The following GALNT9 variants were observed in gnomAD, a reference collection of about 807,000 sequenced individuals.
GALNT9 encodes the protein GalNAc transferase 9.
A neutral mutation model predicts 63.1 loss-of-function variants in GALNT9; 47 were observed. That is an observed-to-expected ratio of 0.75 (90% CI 0.59 to 0.95). The LOEUF is 0.95. GALNT9 is among the 40% of genes least tolerant of loss of function. The pLI is 0.00. For synonymous variants in GALNT9, 396 were observed against 365.7 expected (o/e 1.08, Z -0.94); for missense variants, 829 against 874.8 (o/e 0.95, Z 0.66).
At chr12:132,237,837 C>A (rs1454830527) in intron 6 of GALNT9, among the ~76,000 whole-genome samples, 2 of 152,214 alleles carry the variant, frequency 1.3e-5, no homozygotes, top group African/African-American at 4.8e-5. Flanking sequence ...ATCTGCCAGG[C>A]CTGCGGTGGA....
intron 2 of GALNT9, among the ~76,000 whole-genome samples, chr12:132,271,818 G>T (rs962702164): frequency 6.6e-6 from 1 of 152,058 alleles, no homozygotes; most frequent in African/African-American, 2.4e-5. Context: ...AGGCTCCCAC[G>T]CGTGGGAGGC....
rs1245240239 is a variant in GALNT9 at position 132,248,011 on chromosome 12, C to T, written c.976G>A (p.Gly326Ser). The change falls in exon 6 of 11, where the codon GGC (glycine) becomes AGC (serine). Residue 326 changes from glycine to serine, a missense_variant. By Grantham distance (56) the Gly-to-Ser change is moderately conservative (BLOSUM62 0). Coordinates refer to ENST00000328957, the MANE Select transcript of GALNT9 (RefSeq NM_001122636.2). ...TCGCGGTCCACTACGAAGGAGCAGCCGATCATGGCTGGGGTCCTGGGAGGC... is the reference window on the plus strand; with the variant it reads ...TCGCGGTCCACTACGAAGGAGCAGCTGATCATGGCTGGGGTCCTGGGAGGC... ...SAPIRTPAMI[G>S]CSFVVDREYF... 6.4e-7 allele frequency: 1 copy of T among 1,551,150 alleles called. No individual in the cohort carries two copies. The highest frequency in any genetic ancestry group is 2.0e-5 in the Admixed American group (1 of 51,008).
At chr12:132,300,137 T>C (rs1299576386) in intron 1 of GALNT9, among the ~76,000 whole-genome samples, 58 of 109,312 alleles carry the variant, frequency 5.3e-4, no homozygotes, top group South Asian at 1.0e-3. Flanking sequence ...ACCTAACCCA[T>C]CCCTGAGATA....
At chr12:132,306,193 C>G (rs911845812) in intron 1 of GALNT9, among the ~76,000 whole-genome samples, 1 of 152,260 alleles carries the variant, frequency 6.6e-6, no homozygotes, top group African/African-American at 2.4e-5. Context: ...AGCGGCTGTC[C>G]GCACCGGAAC....
intron 6 of GALNT9, among the ~76,000 whole-genome samples, chr12:132,230,799 T>C (rs1157665375): frequency 1.3e-5 from 2 of 152,216 alleles, no homozygotes; most frequent in African/African-American, 4.8e-5. Flanking sequence ...TCCGGGTTAA[T>C]GGATCGATTT....
At chr12:132,227,511 G>A (rs1456579900) in intron 6 of GALNT9, among the ~76,000 whole-genome samples, 1 of 152,222 alleles carries the variant, frequency 6.6e-6, no homozygotes, top group Admixed American at 6.5e-5. Flanking sequence ...TGCACGTCTC[G>A]GCCCAGACAG....
intron 10 of GALNT9, 42 bp downstream of exon 10, chr12:132,197,750 G>GCCCCCCCCCCCCCC: frequency 7.9e-7 from 1 of 1,266,536 alleles, no homozygotes; most frequent in Non-Finnish European, 1.1e-6. Flanking sequence ...CAGCAGCCCT[G>GCCCCCCCCCCCCCC]CCCCGCCCCA....
intron 6 of GALNT9, among the ~76,000 whole-genome samples, chr12:132,235,283 C>T (rs983689628): frequency 6.6e-6 from 1 of 151,970 alleles, no homozygotes; most frequent in South Asian, 2.1e-4. Context: ...AGTGAGGAGC[C>T]GGGTGCGGTG....
chr12:132,291,399 G>A (rs1469858291), intron 1 of GALNT9, among the ~76,000 whole-genome samples: 459 of 39,006 alleles, frequency 0.012, 12 homozygotes, highest in Non-Finnish European at 0.014. Context: ...CAGCACCCAC[G>A]TCCACAGCGC....
At chr12:132,207,092 A>G (rs1363907488) in intron 6 of GALNT9, among the ~76,000 whole-genome samples, 1 of 152,078 alleles carries the variant, frequency 6.6e-6, no homozygotes, top group African/African-American at 2.4e-5. Context: ...ATAAACCCCA[A>G]ATGTCACCAT....
intron 1 of GALNT9, among the ~76,000 whole-genome samples, chr12:132,326,265 T>C (rs1869033332): frequency 6.6e-6 from 1 of 152,240 alleles, no homozygotes; most frequent in African/African-American, 2.4e-5. Flanking sequence ...AAACCATGGA[T>C]GCTGTCTTTT....
intron 6 of GALNT9, among the ~76,000 whole-genome samples, chr12:132,222,214 G>A (rs1478051208): frequency 6.6e-6 from 1 of 152,150 alleles, no homozygotes; most frequent in African/African-American, 2.4e-5. Flanking sequence ...AATTCTACGA[G>A]TATCAGAAAG....
In GALNT9 at chr12:132,202,919, C is replaced by T. The variant is rs75106576; in HGVS notation, c.1263+586G>A. ...AATCCTCAACTTGAAGCGGGTCAGCCACTCATAGGCCAAAGCCCAACAGGA... is the reference window on the plus strand; with the variant it reads ...AATCCTCAACTTGAAGCGGGTCAGCTACTCATAGGCCAAAGCCCAACAGGA... On this transcript the variant is annotated intron_variant, in intron 7 of 10. Coordinates refer to ENST00000328957, the MANE Select transcript of GALNT9 (RefSeq NM_001122636.2). Among the ~76,000 whole-genome samples the T allele has an allele frequency of 4.4e-3, 668 of 152,274 alleles. 15 individuals are homozygous for T. In the East Asian group the frequency reaches 0.066, roughly 15 times the overall value.
At chr12:132,209,422 C>T (rs976017616) in intron 6 of GALNT9, among the ~76,000 whole-genome samples, 4 of 151,896 alleles carry the variant, frequency 2.6e-5, no homozygotes, top group Non-Finnish European at 5.9e-5. Context: ...TGGTGGCGTG[C>T]ACCTGTAGTC....
intron 6 of GALNT9, among the ~76,000 whole-genome samples, chr12:132,213,950 G>A (rs534700261): frequency 2.5e-4 from 38 of 152,252 alleles, no homozygotes; most frequent in East Asian, 5.8e-4. Context: ...CCCTATGTCC[G>A]CACACCCTCC....
At chr12:132,226,500 C>G (rs1877693760) in intron 6 of GALNT9, among the ~76,000 whole-genome samples, 1 of 149,086 alleles carries the variant, frequency 6.7e-6, no homozygotes. Flanking sequence ...ACATATGCCC[C>G]ATACATACCA....
Position 132,282,657 on chromosome 12 carries a change from G to C in GALNT9, c.419+3593C>G, listed in dbSNP as rs1305594494. ...TGGTTTCATCTTGTGGGAAAAGGCTGCCTGTTTTTTTCTCGATGGCCCGCT... is the reference window on the plus strand; with the variant it reads ...TGGTTTCATCTTGTGGGAAAAGGCTCCCTGTTTTTTTCTCGATGGCCCGCT... On this transcript the variant is annotated intron_variant, in intron 2 of 10. Coordinates refer to ENST00000328957, the MANE Select transcript of GALNT9 (RefSeq NM_001122636.2). The surrounding 1 kb of genome is among the most constrained non-coding windows in gnomAD (Gnocchi z 4.5). 6.6e-6 allele frequency among the ~76,000 whole-genome samples: 1 copy of C among 152,028 alleles called. No individual in the cohort carries two copies. The highest frequency in any genetic ancestry group is 1.5e-5 in the Non-Finnish European group (1 of 67,990).
intron 6 of GALNT9, among the ~76,000 whole-genome samples, chr12:132,243,302 TATACCCATTACACACACACCACACA>T: frequency 7.2e-6 from 1 of 138,366 alleles, no homozygotes; most frequent in South Asian, 2.2e-4. Flanking sequence ...GGGCCCTCCC[TATACCCATTACACACACACCACACA>T]CCCTTCCCGG....
At chr12:132,202,367 C>T (rs1213642178) in intron 7 of GALNT9, among the ~76,000 whole-genome samples, 4 of 152,162 alleles carry the variant, frequency 2.6e-5, no homozygotes, top group Non-Finnish European at 2.9e-5. Flanking sequence ...CACGAGTGCA[C>T]GTGTCTACGG....
Sources: allele counts gnomAD v4.1 joint callset (sites outside exome capture counted in the v4.1 genomes callset), GRCh38; gene constraint gnomAD v4.1.1; non-coding constraint Gnocchi (gnomAD v3.1); transcripts MANE v1.5; gene names NCBI Gene and HGNC (gene_info 2026-07-23, HGNC 2026-07-21).